Variants in LRRC47 observed in about 807,000 individuals in gnomAD.
LRRC47 encodes leucine rich repeat containing 47.
Under a neutral mutation model 40.9 loss-of-function variants are expected in LRRC47, and 31 were observed. The ratio of observed to expected loss-of-function variants is 0.76; its 90% CI spans 0.57 to 1.02. The LOEUF is 1.02. Among genes scored for constraint, LRRC47 ranks in the 50% least tolerant of loss-of-function variants. LRRC47 has a pLI of 0.00. For synonymous variants in LRRC47, 427 were observed against 371.9 expected (o/e 1.15, Z -1.70); for missense variants, 726 against 796.1 (o/e 0.91, Z 1.06).
intron 1 of LRRC47, among the ~76,000 whole-genome samples, chr1:3,791,161 C>A (rs565858873): frequency 6.6e-6 from 1 of 152,310 alleles, no homozygotes; most frequent in East Asian, 1.9e-4. Flanking sequence ...CTGAGCACAG[C>A]CACGCGAGCG....
At chr1:3,788,524 T>C (rs927085130) in intron 1 of LRRC47, among the ~76,000 whole-genome samples, 1 of 152,128 alleles carries the variant, frequency 6.6e-6, no homozygotes, top group Non-Finnish European at 1.5e-5. Flanking sequence ...GGGGATGGGC[T>C]GATTACTCAG....
intron 1 of LRRC47, among the ~76,000 whole-genome samples, chr1:3,794,718 A>G (rs1643657515): frequency 6.6e-6 from 1 of 152,028 alleles, no homozygotes; most frequent in South Asian, 2.1e-4. Flanking sequence ...GCTACAGCAA[A>G]TAAATAGATA....
At chr1:3,784,924 GGC>G (rs1643557301) in intron 3 of LRRC47, 161 bp downstream of exon 3, 1 of 420,212 alleles carries the variant, frequency 2.4e-6, no homozygotes, top group Non-Finnish European at 4.3e-6. Context: ...CAACCCAGGA[GGC>G]AGAGGCTGCA....
At chr1:3,791,614 G>A (rs1643627313) in intron 1 of LRRC47, among the ~76,000 whole-genome samples, 1 of 151,950 alleles carries the variant, frequency 6.6e-6, no homozygotes, top group Non-Finnish European at 1.5e-5. Flanking sequence ...GCGCCACCAC[G>A]CCCGGCTAAT....
At chr1:3,790,341 T>C (rs1400881700) in intron 1 of LRRC47, among the ~76,000 whole-genome samples, 1 of 152,210 alleles carries the variant, frequency 6.6e-6, no homozygotes, top group Non-Finnish European at 1.5e-5. Flanking sequence ...ACATTGAGGC[T>C]GAACTCCCCT....
chr1:3,783,293 G>A (rs1003672793), intron 4 of LRRC47, among the ~76,000 whole-genome samples: 1 of 151,508 alleles, frequency 6.6e-6, no homozygotes, highest in Non-Finnish European at 1.5e-5. Context: ...GGTGGCAGGC[G>A]CCTGTAATCC....
chr1:3,781,087 G>A lies in LRRC47; in HGVS notation c.*1C>T, dbSNP rs747805488. ...ACAAACGCGGACAGGCGGCCCTGGC[G>A]TCAGCGCACGACAGTCACGTGGGGA... On this transcript the variant is annotated 3_prime_UTR_variant, in exon 7 of 7. Coordinates refer to ENST00000378251, the MANE Select transcript of LRRC47 (RefSeq NM_020710.3). 2.5e-5 allele frequency: 41 copies of A among 1,612,292 alleles called. No homozygotes were observed. The highest frequency in any genetic ancestry group is 4.5e-5 in the East Asian group (2 of 44,818).
chr1:3,784,034 C>T lies in LRRC47; in HGVS notation c.1272G>A (p.Arg424=). 1 of 1,612,220 alleles carries T rather than the reference C, an allele frequency of 6.2e-7. No homozygotes were observed. The highest frequency in any genetic ancestry group is 8.5e-7 in the Non-Finnish European group (1 of 1,179,860). ...RQLQLEAEEQ[R]KQKKRQSVSG... ...ACACACTCTGCCGCTTCTTCTGCTT[C>T]CTCTGCTCCTCGGCCTCCAGCTGCA... The change falls in exon 4 of 7, where the codon AGG becomes AGA. Residue 424 remains arginine (R), a synonymous_variant. Transcript: ENST00000378251.
intron 2 of LRRC47, chr1:3,785,448 C>A (rs760703965): frequency 3.2e-5 from 7 of 215,612 alleles, no homozygotes; most frequent in Non-Finnish European, 6.4e-5. Context: ...AGCAGACTTT[C>A]TTCCTTCTCT....
intron 1 of LRRC47, among the ~76,000 whole-genome samples, chr1:3,793,204 C>T (rs879714709): frequency 1.3e-5 from 2 of 151,988 alleles, no homozygotes; most frequent in Non-Finnish European, 2.9e-5. Context: ...CTCCGCCTCC[C>T]GGGTTTAAGC....
chr1:3,781,871 C>CA (rs1442986978), intron 5 of LRRC47, among the ~76,000 whole-genome samples: 1 of 152,196 alleles, frequency 6.6e-6, no homozygotes, highest in Non-Finnish European at 1.5e-5. Flanking sequence ...GTCCCAGCTA[C>CA]TCAGGAGGCT....
At position 3,787,252 on chromosome 1, in the gene LRRC47, G is replaced by C; in HGVS notation, c.674C>G (p.Pro225Arg). The C allele has an allele frequency of 6.2e-7, 1 of 1,613,492 alleles. No homozygotes were observed. Among genetic ancestry groups the C allele is most frequent in the Non-Finnish European group, 8.5e-7 (1 of 1,180,040 alleles). ...ACGGAAATTGATCTCCTTGAGCTTGGGGCAGTCCGCAAGCTCTGCAGGGAT... is the reference window on the plus strand; with the variant it reads ...ACGGAAATTGATCTCCTTGAGCTTGCGGCAGTCCGCAAGCTCTGCAGGGAT... The part of the protein sequence containing the change: ...SEIPAELADC[P>R]KLKEINFRGN... The change falls in exon 2 of 7, where the codon CCC (proline) becomes CGC (arginine). Residue 225 changes from proline (P) to arginine (R), a missense_variant. Pro to Arg is a moderately radical substitution (Grantham distance 103). Transcript: ENST00000378251.
intron 4 of LRRC47, chr1:3,783,630 T>G (rs1423371323): frequency 1.0e-5 from 2 of 193,550 alleles, no homozygotes; most frequent in African/African-American, 4.6e-5. Flanking sequence ...GGACCCTGAC[T>G]TGGATGATAC....
chr1:3,779,851 C>T lies in LRRC47; in HGVS notation c.*1237G>A, dbSNP rs1643501764. On this transcript the variant is annotated 3_prime_UTR_variant, in exon 7 of 7. Coordinates refer to ENST00000378251, the MANE Select transcript of LRRC47 (RefSeq NM_020710.3). ...CAGGGTGAGGTGCTGCCACTGCCTT[C>T]AGCCTACAGGCTGCTTGCCTGAAGG... The T allele has an allele frequency of 6.6e-6, 1 of 152,220 alleles. No individual in the cohort carries two copies. The highest frequency in any genetic ancestry group is 1.5e-5 in the Non-Finnish European group (1 of 68,068). The allele number at this position is 152,220 out of a possible 1,614,324, so 9.4% of individuals were successfully genotyped here. A position where few individuals can be genotyped will look rare whatever the true frequency, so the allele number is the denominator to read the frequency against.
chr1:3,786,841 G>T lies in LRRC47; in HGVS notation c.1077+8C>A. 1 of 1,574,746 alleles carries T rather than the reference G, an allele frequency of 6.4e-7. No homozygotes were observed. Among genetic ancestry groups the T allele is most frequent in the Non-Finnish European group, 8.6e-7 (1 of 1,158,512 alleles). On this transcript the variant is annotated splice_region_variant and intron_variant, in intron 2 of 6. Coordinates refer to ENST00000378251, the MANE Select transcript of LRRC47 (RefSeq NM_020710.3). ...CCCAGTCATCTGAGGACCCCCACGG[G>T]CACCCACCTGCGAGGTGAGGAAGCG...
At chr1:3,781,433 C>T in intron 6 of LRRC47, 79 bp downstream of exon 6, 5 of 1,573,260 alleles carry the variant, frequency 3.2e-6, no homozygotes, top group Non-Finnish European at 4.4e-6. Context: ...AAGAGGCAAG[C>T]AGGACGGGTG....
chr1:3,791,123 C>T (rs549034224), intron 1 of LRRC47, among the ~76,000 whole-genome samples: 10 of 152,286 alleles, frequency 6.6e-5, no homozygotes, highest in African/African-American at 1.7e-4. Context: ...CCACCCACCC[C>T]GGCAGCCCAG....
chr1:3,781,499 AC>A lies in LRRC47; in HGVS notation c.1503+12del, dbSNP rs1281230489. ...TCAAAAGCGTTTCTCAGGAGGAGCC[AC>A]CCCACACTCACCAGAATGAGGGCAT... On this transcript the variant is annotated intron_variant, in intron 6 of 6. Coordinates refer to ENST00000378251, the MANE Select transcript of LRRC47 (RefSeq NM_020710.3). The A allele has an allele frequency of 1.2e-6, 2 of 1,612,208 alleles. No individual in the cohort carries two copies. The highest frequency in any genetic ancestry group is 1.7e-6 in the Non-Finnish European group (2 of 1,178,568).
At position 3,795,854 on chromosome 1, in the gene LRRC47, C is replaced by A. The variant is rs774914919; in HGVS notation, c.615+8G>T. ...CCATCCCGCCCCGCCCGGGCAGCCCCCGCTGACCTTGAGCGAGGCCAGGTG... is the reference window on the plus strand; with the variant it reads ...CCATCCCGCCCCGCCCGGGCAGCCCACGCTGACCTTGAGCGAGGCCAGGTG... On this transcript the variant is annotated splice_region_variant and intron_variant, in intron 1 of 6. Coordinates refer to ENST00000378251, the MANE Select transcript of LRRC47 (RefSeq NM_020710.3). 6.4e-7 allele frequency: 1 copy of A among 1,567,012 alleles called. No homozygotes were observed. The highest frequency in any genetic ancestry group is 8.6e-7 in the Non-Finnish European group (1 of 1,163,308).
Sources: gnomAD v4.1 joint callset for allele counts (sites outside exome capture counted in the v4.1 genomes callset) on GRCh38, gnomAD v4.1.1 for gene constraint, MANE v1.5 for transcripts, NCBI Gene and HGNC (gene_info 2026-07-23, HGNC 2026-07-21) for gene names.